The following DPY19L3 variants were observed in gnomAD, a reference collection of about 807,000 sequenced individuals.
DPY19L3 encodes the protein protein C-mannosyl-transferase DPY19L3.
Under a neutral mutation model 92.3 loss-of-function variants are expected in DPY19L3, and 51 were observed. That is an observed-to-expected ratio of 0.55 (90% CI 0.44 to 0.70). DPY19L3 has a LOEUF of 0.70. Among genes scored for constraint, DPY19L3 ranks in the 30% least tolerant of loss-of-function variants. The pLI is 0.00. For missense variants in DPY19L3, 706 were observed against 855.9 expected, an observed-to-expected ratio of 0.82 and a Z score of 2.18; for synonymous variants, 309 against 315.2, an observed-to-expected ratio of 0.98 and a Z score of 0.21.
chr19:32,406,054 CG>C (rs1300141681), intron 1 of DPY19L3, 145 bp downstream of exon 1: 1 of 151,288 alleles, frequency 6.6e-6, no homozygotes, highest in Non-Finnish European at 1.5e-5. Context: ...GCCGCGGCGT[CG>C]GGGCGTCGGG....
rs188863566 is a variant in DPY19L3 at position 32,467,258 on chromosome 19, T to C, written c.1615-1473T>C. On this transcript the variant is annotated intron_variant, in intron 15 of 18. Coordinates refer to ENST00000392250, the MANE Select transcript of DPY19L3 (RefSeq NM_001172774.2). ...AAAATTCTCACTAGCTTTTAACATT[T>C]TCAGAATTAATAACAGTAACTTTCA... Among the ~76,000 whole-genome samples, 3 of 152,294 alleles carry C rather than the reference T, an allele frequency of 2.0e-5. No individual in the cohort carries two copies. In the East Asian group the frequency reaches 5.8e-4, roughly 29 times the overall value.
At chr19:32,440,124 A>G (rs1765888329) in intron 8 of DPY19L3, among the ~76,000 whole-genome samples, 1 of 152,240 alleles carries the variant, frequency 6.6e-6, no homozygotes, top group African/African-American at 2.4e-5. Context: ...TAAAAAATGG[A>G]ATGGATTTTA....
chr19:32,436,909 A>C (rs968025646), intron 5 of DPY19L3, among the ~76,000 whole-genome samples: 3 of 152,044 alleles, frequency 2.0e-5, no homozygotes, highest in African/African-American at 7.2e-5. Flanking sequence ...AATCACAATG[A>C]CCACTTCTCA....
At chr19:32,481,975 T>C in intron 18 of DPY19L3, 104 bp from the exon 19 acceptor site, 1 of 1,273,464 alleles carries the variant, frequency 7.9e-7, no homozygotes, top group Non-Finnish European at 1.1e-6. Flanking sequence ...TAATTTAATT[T>C]CACTCACATA....
intron 3 of DPY19L3, among the ~76,000 whole-genome samples, chr19:32,421,358 G>A (rs1002232496): frequency 1.1e-4 from 16 of 152,130 alleles, no homozygotes; most frequent in African/African-American, 3.6e-4. Context: ...AAGAGTCTGC[G>A]GCCAGGCAAG....
rs528636373 is a variant in DPY19L3, at chr19:32,482,301, A to G, written c.*61A>G. 3.4e-5 allele frequency: 53 copies of G among 1,563,818 alleles called. No individual in the cohort carries two copies. The African/African-American group carries it at 6.9e-4, about 20-fold the overall frequency. ...AGAAACTGCATCATGATGAAACTCA[A>G]TAGATGACGTTTCCTATGTAAGTAG... On this transcript the variant is annotated 3_prime_UTR_variant, in exon 19 of 19. Transcript: ENST00000392250.
chr19:32,455,192 T>G (rs1969829120), intron 10 of DPY19L3, 152 bp downstream of exon 10: 1 of 535,920 alleles, frequency 1.9e-6, no homozygotes, highest in African/African-American at 2.0e-5. Context: ...ACACCTGGTC[T>G]CAGATGGCCC....
chr19:32,467,858 G>C (rs567257298), intron 15 of DPY19L3: 4 of 983,336 alleles, frequency 4.1e-6, no homozygotes, highest in Non-Finnish European at 2.4e-6. Flanking sequence ...TATTAGATAA[G>C]TGGGTAATTC....
chr19:32,405,817 G>T lies in DPY19L3; in HGVS notation c.-130G>T. On this transcript the variant is annotated 5_prime_UTR_variant, in exon 1 of 19. Coordinates refer to ENST00000392250, the MANE Select transcript of DPY19L3 (RefSeq NM_001172774.2). ...GTTCTGCCCTCCTTGTACCCGCGGC[G>T]CGCTGCGGCCCGTGGCGCGGCCCCG... 1 of 152,308 alleles carries T rather than the reference G, an allele frequency of 6.6e-6. No homozygotes were observed. The highest frequency in any genetic ancestry group is 2.4e-5 in the African/African-American group (1 of 41,538). 9.4% of individuals were successfully genotyped at this position (152,308 alleles called of 1,614,324 possible).
chr19:32,476,940 C>T (rs1490813346), intron 16 of DPY19L3, among the ~76,000 whole-genome samples: 1 of 151,642 alleles, frequency 6.6e-6, no homozygotes, highest in Non-Finnish European at 1.5e-5. Flanking sequence ...GATTTTTTTC[C>T]TTATTGCTTT....
chr19:32,434,217 AG>A (rs2145482727), intron 4 of DPY19L3, among the ~76,000 whole-genome samples: 1 of 152,332 alleles, frequency 6.6e-6, no homozygotes, highest in Non-Finnish European at 1.5e-5. Context: ...AGAATACTTT[AG>A]CCTCTGGCAT....
intron 8 of DPY19L3, among the ~76,000 whole-genome samples, chr19:32,447,945 T>G (rs778455369): frequency 6.6e-6 from 1 of 152,112 alleles, no homozygotes; most frequent in Non-Finnish European, 1.5e-5. Flanking sequence ...CTTAACAGAC[T>G]TTGAAAGTTC....
intron 3 of DPY19L3, chr19:32,412,571 G>A (rs1025467973): frequency 6.6e-6 from 1 of 152,196 alleles, no homozygotes. Context: ...CTGTGCAAGT[G>A]GTTTTGCAGG....
At position 32,405,871 on chromosome 19, in the gene DPY19L3, C is replaced by T. The variant is rs1967920317; in HGVS notation, c.-76C>T. On this transcript the variant is annotated 5_prime_UTR_variant, in exon 1 of 19. Transcript: ENST00000392250. ...CCGCCTAGCCCCGTCGGCCTCCTTC[C>T]CCTCCCGGAGCCGCGCGTGAGGACG... 6.6e-6 allele frequency: 1 copy of T among 152,084 alleles called. No individual in the cohort carries two copies. 9.4% of individuals were successfully genotyped at this position (152,084 alleles called of 1,614,324 possible). A position where few individuals can be genotyped will look rare whatever the true frequency, so the allele number is the denominator to read the frequency against.
chr19:32,479,268 G>A (rs1037308573), intron 17 of DPY19L3, among the ~76,000 whole-genome samples: 3 of 152,106 alleles, frequency 2.0e-5, no homozygotes, highest in Non-Finnish European at 4.4e-5. Flanking sequence ...TAACTAGGAG[G>A]ATGCAGGAAA....
intron 8 of DPY19L3, among the ~76,000 whole-genome samples, chr19:32,451,705 T>G (rs945355248): frequency 2.0e-5 from 3 of 152,242 alleles, no homozygotes; most frequent in Admixed American, 6.5e-5. Context: ...TTTTTTTCTT[T>G]GTGGCGTGTT....
At position 32,432,824 on chromosome 19, in the gene DPY19L3, T is replaced by A; in HGVS notation, c.328+18T>A. The A allele has an allele frequency of 6.2e-7, 1 of 1,610,930 alleles. No homozygotes were observed. Among genetic ancestry groups the A allele is most frequent in the Non-Finnish European group, 8.5e-7 (1 of 1,177,642 alleles). ...CGTGCAAGGTAATTACAACTGATAG[T>A]TTCATTTGGGGTCTCCTGCATTTTT... is the stretch of plus-strand genomic sequence containing the variant. On this transcript the variant is annotated intron_variant, in intron 4 of 18. Transcript: ENST00000392250.
chr19:32,409,675 C>T (rs1968109536), intron 2 of DPY19L3, among the ~76,000 whole-genome samples: 1 of 152,148 alleles, frequency 6.6e-6, no homozygotes, highest in Non-Finnish European at 1.5e-5. Context: ...CCAGTCGTGG[C>T]AGAAGACTTA....
intron 6 of DPY19L3, 22 bp downstream of exon 6, chr19:32,437,361 TC>T (rs762855216): frequency 7.6e-6 from 12 of 1,579,738 alleles, no homozygotes; most frequent in Middle Eastern, 1.7e-4. Context: ...TCAGTATGCT[TC>T]TTTTTTTTCC....
Sources: allele counts gnomAD v4.1 joint callset (sites outside exome capture counted in the v4.1 genomes callset), GRCh38; gene constraint gnomAD v4.1.1; transcripts MANE v1.5; gene names NCBI Gene and HGNC (gene_info 2026-07-23, HGNC 2026-07-21).